The following PCDH7 variants were observed in gnomAD, a reference collection of about 807,000 sequenced individuals.
PCDH7 encodes protocadherin 7.
In PCDH7, 17 loss-of-function variants were observed where a neutral mutation model predicts 58.9. The ratio of observed to expected loss-of-function variants is 0.29; its 90% CI spans 0.20 to 0.43. The LOEUF (loss-of-function observed/expected upper bound fraction) is 0.43, where lower values mean the gene tolerates loss of function less well. Ranked by LOEUF, PCDH7 falls within the 20% of genes least tolerant of loss-of-function variation. The pLI, the probability that PCDH7 is intolerant of heterozygous loss-of-function variation, is 1.00. For missense variants in PCDH7, 1,274 were observed against 1,441.0 expected, an observed-to-expected ratio of 0.88 and a Z score of 1.88; for synonymous variants, 664 against 616.4, an observed-to-expected ratio of 1.08 and a Z score of -1.14.
intron 1 of PCDH7, among the ~76,000 whole-genome samples, chr4:30,764,051 A>C (rs577540868): frequency 6.6e-6 from 1 of 151,958 alleles, no homozygotes; most frequent in Non-Finnish European, 1.5e-5. Flanking sequence ...TTACTTTCCT[A>C]CTCTTAACTT....
chr4:30,868,328 A>C (rs1560450933), intron 1 of PCDH7, among the ~76,000 whole-genome samples: 1 of 152,122 alleles, frequency 6.6e-6, no homozygotes. Flanking sequence ...ATCATACAAA[A>C]TGGTACAGCT....
chr4:30,857,547 G>A (rs1418866336), intron 1 of PCDH7, among the ~76,000 whole-genome samples: 2 of 152,088 alleles, frequency 1.3e-5, no homozygotes, highest in Non-Finnish European at 2.9e-5. Flanking sequence ...TTGTGCATAG[G>A]TGTGTTCTGA....
intron 3 of PCDH7, among the ~76,000 whole-genome samples, chr4:31,099,560 T>C (rs138792609): frequency 4.1e-4 from 63 of 152,338 alleles, no homozygotes; most frequent in African/African-American, 1.4e-3. Context: ...CACAAAAATA[T>C]GGCATATGTA....
intron 3 of PCDH7, among the ~76,000 whole-genome samples, chr4:30,955,640 A>G (rs1207547374): frequency 6.6e-6 from 1 of 151,644 alleles, no homozygotes; most frequent in Non-Finnish European, 1.5e-5. Flanking sequence ...CCTCCGCCTC[A>G]TGGGTTCAAG....
intron 1 of PCDH7, among the ~76,000 whole-genome samples, chr4:30,852,793 A>G (rs553084412): frequency 6.7e-6 from 1 of 148,574 alleles, no homozygotes; most frequent in Admixed American, 6.8e-5. Context: ...TGGAGCTGTC[A>G]GAACCAGAAC....
At chr4:30,767,950 T>G (rs1287130853) in intron 1 of PCDH7, among the ~76,000 whole-genome samples, 1 of 152,216 alleles carries the variant, frequency 6.6e-6, no homozygotes, top group Non-Finnish European at 1.5e-5. Context: ...ACTTACCTCC[T>G]ATCCTTCATT....
rs191670258 is a variant in PCDH7, at chr4:30,833,653, T to C, written c.71-86500T>C. 1.3e-4 allele frequency among the ~76,000 whole-genome samples: 20 copies of C among 152,306 alleles called. No homozygotes were observed. In the East Asian group the frequency reaches 3.7e-3, roughly 28 times the overall value. Reference sequence around the variant, plus strand: ...ATCTTTGGGAGGAGAGTCTTTATTCTGCACAAAGGTGCAGCTAAGGATTGT... The same window carrying C: ...ATCTTTGGGAGGAGAGTCTTTATTCCGCACAAAGGTGCAGCTAAGGATTGT... On this transcript the variant is annotated intron_variant, in intron 1 of 3. Transcript: ENST00000509759.
intron 3 of PCDH7, among the ~76,000 whole-genome samples, chr4:31,107,210 A>G (rs1237032914): frequency 6.6e-6 from 1 of 152,202 alleles, no homozygotes; most frequent in African/African-American, 2.4e-5. Flanking sequence ...AAGTACTATG[A>G]TATACAAGTA....
chr4:31,000,754 A>G (rs1264244070), intron 3 of PCDH7, among the ~76,000 whole-genome samples: 1 of 152,128 alleles, frequency 6.6e-6, no homozygotes, highest in Non-Finnish European at 1.5e-5. Flanking sequence ...AAGAAACAAC[A>G]CAAGTTCCAT....
intron 1 of PCDH7, among the ~76,000 whole-genome samples, chr4:30,825,763 A>C (rs578062403): frequency 1.5e-3 from 214 of 140,490 alleles, no homozygotes; most frequent in African/African-American, 5.7e-3. Flanking sequence ...AAAAGGTATT[A>C]ATGTACTTTT....
intron 3 of PCDH7, among the ~76,000 whole-genome samples, chr4:30,957,227 C>T (rs1747954661): frequency 6.6e-6 from 1 of 152,072 alleles, no homozygotes; most frequent in South Asian, 2.1e-4. Flanking sequence ...TTTAAGCTTG[C>T]CTGTCCACTC....
At chr4:30,773,492 T>C (rs1721680531) in intron 1 of PCDH7, among the ~76,000 whole-genome samples, 1 of 152,070 alleles carries the variant, frequency 6.6e-6, no homozygotes, top group Admixed American at 6.5e-5. Context: ...TTCTATTTTT[T>C]TTTTCTTTTT....
At chr4:30,854,365 T>A (rs1733176021) in intron 1 of PCDH7, among the ~76,000 whole-genome samples, 1 of 150,490 alleles carries the variant, frequency 6.6e-6, no homozygotes, top group Admixed American at 6.7e-5. Context: ...TGTCTCCATA[T>A]AATACTGATT....
intron 1 of PCDH7, chr4:30,776,360 CA>C (rs1218972765): frequency 6.6e-6 from 1 of 152,152 alleles, no homozygotes; most frequent in African/African-American, 2.4e-5. Context: ...TGTTTTCTAA[CA>C]ACATAAATAT....
intron 1 of PCDH7, among the ~76,000 whole-genome samples, chr4:30,815,734 A>T (rs1258535021): frequency 6.6e-6 from 1 of 152,218 alleles, no homozygotes; most frequent in East Asian, 1.9e-4. Context: ...TACTCAACTC[A>T]TGAGATCTTA....
At chr4:30,956,709 T>C (rs908225941) in intron 3 of PCDH7, among the ~76,000 whole-genome samples, 1 of 152,226 alleles carries the variant, frequency 6.6e-6, no homozygotes, top group African/African-American at 2.4e-5. Flanking sequence ...GTTAACTTTT[T>C]CAAGGTCATT....
At chr4:30,812,319 T>A (rs1404380193) in intron 1 of PCDH7, among the ~76,000 whole-genome samples, 1 of 152,200 alleles carries the variant, frequency 6.6e-6, no homozygotes, top group Non-Finnish European at 1.5e-5. Context: ...ATATTTGTTT[T>A]ATTGTTATCC....
chr4:30,817,468 C>G (rs771835616), intron 1 of PCDH7, among the ~76,000 whole-genome samples: 7 of 152,020 alleles, frequency 4.6e-5, no homozygotes, highest in Non-Finnish European at 8.8e-5. Context: ...TTAATTTGTC[C>G]TTTTGTCTGC....
At chr4:30,787,940 A>G (rs1467536079) in intron 1 of PCDH7, among the ~76,000 whole-genome samples, 3 of 152,130 alleles carry the variant, frequency 2.0e-5, no homozygotes, top group East Asian at 1.9e-4. Flanking sequence ...TAGAATGACT[A>G]CTTCAACAAT....
Sources: allele counts gnomAD v4.1 joint callset (sites outside exome capture counted in the v4.1 genomes callset), GRCh38; gene constraint gnomAD v4.1.1; transcripts MANE v1.5; gene names NCBI Gene and HGNC (gene_info 2026-07-23, HGNC 2026-07-21).